The following ADGRL3 variants were observed in gnomAD, a reference collection of about 807,000 sequenced individuals.
ADGRL3 encodes the protein adhesion G protein-coupled receptor L3.
In ADGRL3, 62 loss-of-function variants were observed where a neutral mutation model predicts 153.5. The ratio of observed to expected loss-of-function variants is 0.40; its 90% CI spans 0.33 to 0.50. The LOEUF is 0.50. ADGRL3 is among the 20% of genes least tolerant of loss of function. The pLI, the probability that ADGRL3 is intolerant of heterozygous loss-of-function variation, is 0.47. For missense variants in ADGRL3, 1,641 were observed against 1,859.4 expected, an observed-to-expected ratio of 0.88 and a Z score of 2.16; for synonymous variants, 710 against 672.5, an observed-to-expected ratio of 1.06 and a Z score of -0.86.
At chr4:61,893,091 T>C in intron 10 of ADGRL3, 133 bp downstream of exon 10, 1 of 412,576 alleles carries the variant, frequency 2.4e-6, no homozygotes, top group Non-Finnish European at 4.1e-6. Flanking sequence ...GTCTCTTTCT[T>C]TCTCCTTCCT....
At chr4:61,382,501 A>C (rs1366670701) in intron 1 of ADGRL3, among the ~76,000 whole-genome samples, 1 of 151,806 alleles carries the variant, frequency 6.6e-6, no homozygotes, top group Non-Finnish European at 1.5e-5. Flanking sequence ...TAAAATTAAA[A>C]AATTATGGTA....
intron 1 of ADGRL3, among the ~76,000 whole-genome samples, chr4:61,337,430 A>G (rs192084935): frequency 1.3e-5 from 2 of 152,134 alleles, no homozygotes; most frequent in Non-Finnish European, 2.9e-5. Context: ...GTTATGAAGA[A>G]ATGCAACATG....
intron 1 of ADGRL3, among the ~76,000 whole-genome samples, chr4:61,281,717 C>T (rs1466638316): frequency 3.9e-5 from 6 of 152,096 alleles, no homozygotes; most frequent in Admixed American, 2.6e-4. Context: ...TGTTAGCTGG[C>T]CTTGACTGAG....
intron 9 of ADGRL3, among the ~76,000 whole-genome samples, chr4:61,865,134 T>C (rs953081045): frequency 6.6e-6 from 1 of 152,166 alleles, no homozygotes; most frequent in African/African-American, 2.4e-5. Context: ...AAAATTTTGG[T>C]CTTAAGAATA....
At chr4:61,807,328 T>G (rs1413732114) in intron 8 of ADGRL3, among the ~76,000 whole-genome samples, 1 of 29,010 alleles carries the variant, frequency 3.4e-5, no homozygotes, top group African/African-American at 1.6e-4. Context: ...GCTCTAATTT[T>G]TTTTAACTTT....
rs67863687 is a variant in ADGRL3 at position 61,350,402 on chromosome 4, G to A, written c.-239-32722G>A. On this transcript the variant is annotated intron_variant, in intron 1 of 26. Coordinates refer to ENST00000683033, the MANE Select transcript of ADGRL3 (RefSeq NM_001387552.1). ...GTACATCTTGATAATAACTGTCTTT[G>A]CAGTAGTATAAATTTAAGAGCAGTG... Among the ~76,000 whole-genome samples the A allele has an allele frequency of 6.6e-3, 793 of 120,930 alleles. 1 individual carries two copies. The highest frequency in any genetic ancestry group is 9.7e-3 in the Non-Finnish European group (590 of 61,004). The allele number at this position is 120,930 out of a possible 152,430, so 79.3% of individuals were successfully genotyped here. A position where few individuals can be genotyped will look rare whatever the true frequency, so the allele number is the denominator to read the frequency against.
chr4:62,027,961 A>T (rs923061888), intron 21 of ADGRL3, among the ~76,000 whole-genome samples: 1 of 151,842 alleles, frequency 6.6e-6, no homozygotes, highest in Non-Finnish European at 1.5e-5. Context: ...TTATTTCATC[A>T]TTCTGGAGAG....
rs1578881160 is a variant in ADGRL3, at chr4:61,442,485, G to A, written c.-173-54636G>A. The stretch of plus-strand genomic sequence containing the variant: ...ACACTGTAATTGTTAGATTGGGGAG[G>A]GTGAAAAGCTGATCAGGGAGATCAT... On this transcript the variant is annotated intron_variant, in intron 2 of 26. Transcript: ENST00000683033. Among the ~76,000 whole-genome samples the A allele has an allele frequency of 1.3e-5, 2 of 152,104 alleles. 1 individual carries two copies. Among genetic ancestry groups the A allele is most frequent in the East Asian group, 3.9e-4 (2 of 5,186 alleles).
Position 61,497,196 on chromosome 4 carries a change from C to A in ADGRL3, c.-98C>A. ...TCTTTTTAATTTGAAGAAAAATCAT[C>A]AGTCTTGGAATACAGAAGAGAAACT... On this transcript the variant is annotated 5_prime_UTR_variant, in exon 3 of 27. Coordinates refer to ENST00000683033, the MANE Select transcript of ADGRL3 (RefSeq NM_001387552.1). 1 of 676,108 alleles carries A rather than the reference C, an allele frequency of 1.5e-6. No individual in the cohort carries two copies. The highest frequency in any genetic ancestry group is 2.5e-6 in the Non-Finnish European group (1 of 401,914). 41.9% of individuals were successfully genotyped at this position (676,108 alleles called of 1,614,324 possible).
chr4:61,725,817 G>A (rs2096324698), intron 6 of ADGRL3, among the ~76,000 whole-genome samples: 1 of 152,148 alleles, frequency 6.6e-6, no homozygotes, highest in Non-Finnish European at 1.5e-5. Context: ...GAGTTTGTAT[G>A]TTGTGAGCAT....
At chr4:61,602,118 T>A (rs1198348822) in intron 5 of ADGRL3, among the ~76,000 whole-genome samples, 3 of 152,124 alleles carry the variant, frequency 2.0e-5, no homozygotes. Context: ...CCTCCCTGTC[T>A]TATATCTGCC....
At chr4:61,800,201 CAG>C (rs755429295) in intron 8 of ADGRL3, among the ~76,000 whole-genome samples, 10 of 151,290 alleles carry the variant, frequency 6.6e-5, no homozygotes, top group Non-Finnish European at 5.9e-5. Context: ...AGAAATGAAA[CAG>C]AAACAGGAAA....
intron 1 of ADGRL3, among the ~76,000 whole-genome samples, chr4:61,338,344 G>A (rs976420926): frequency 1.3e-5 from 2 of 151,344 alleles, no homozygotes; most frequent in African/African-American, 2.4e-5. Context: ...TGTTATTCAT[G>A]TTTTCAGGTG....
chr4:61,211,770 A>G lies in ADGRL3; in HGVS notation c.-240+10005A>G, dbSNP rs1338411667. 2.0e-5 allele frequency: 3 copies of G among 152,288 alleles called. No individual in the cohort carries two copies. The East Asian group carries it at 5.8e-4, about 29-fold the overall frequency. The allele number at this position is 152,288 out of a possible 1,614,324, so 9.4% of individuals were successfully genotyped here. A position where few individuals can be genotyped will look rare whatever the true frequency, so the allele number is the denominator to read the frequency against. ...ATCTATAAAACTGCTCAAGACATCT[A>G]GGCTCTGTATATATGAGAAGCCACC... On this transcript the variant is annotated intron_variant, in intron 1 of 26. Transcript: ENST00000683033.
At position 61,347,531 on chromosome 4, in the gene ADGRL3, A is replaced by C. The variant is rs557079868; in HGVS notation, c.-239-35593A>C. 2.0e-5 allele frequency among the ~76,000 whole-genome samples: 3 copies of C among 152,240 alleles called. No individual in the cohort carries two copies. In the East Asian group the frequency reaches 5.8e-4, roughly 29 times the overall value. On this transcript the variant is annotated intron_variant, in intron 1 of 26. Transcript: ENST00000683033. ...TCACCAAATTGAAGAAAGCAAATGC[A>C]ATGTATGCCTACGTTAACCCCCCTT... is the stretch of plus-strand genomic sequence containing the variant.
intron 4 of ADGRL3, among the ~76,000 whole-genome samples, chr4:61,570,185 C>T (rs1323615874): frequency 6.6e-6 from 1 of 151,998 alleles, no homozygotes; most frequent in Non-Finnish European, 1.5e-5. Flanking sequence ...TTTGTATTGC[C>T]TTAAAAAATA....
rs766960254 is a variant in ADGRL3 at position 61,497,327 on chromosome 4, C to A, written c.34C>A (p.Leu12Ile). ...ATCGCAGCTACTAATTTTCATGATG[C>A]TCTTAGCTCCAATAATTCATGGTAA... ...WPSQLLIFMM[L>I]LAPIIHGGKH... The change falls in exon 3 of 27, where the codon CTC (leucine) becomes ATC (isoleucine). Residue 12 changes from leucine to isoleucine, a missense_variant. Physicochemically the swap from Leu to Ile is conservative, Grantham distance 5 (BLOSUM62 2). Coordinates refer to ENST00000683033, the MANE Select transcript of ADGRL3 (RefSeq NM_001387552.1). 2.0e-5 allele frequency: 32 copies of A among 1,606,020 alleles called. No homozygotes were observed. The South Asian group carries it at 3.6e-4, about 18-fold the overall frequency.
At chr4:61,883,235 G>A (rs1167697966) in intron 9 of ADGRL3, among the ~76,000 whole-genome samples, 2 of 152,032 alleles carry the variant, frequency 1.3e-5, no homozygotes, top group Non-Finnish European at 2.9e-5. Context: ...TATAATGCAT[G>A]TTTTTACTTT....
intron 26 of ADGRL3, among the ~76,000 whole-genome samples, chr4:62,069,405 A>G (rs1744678854): frequency 6.6e-6 from 1 of 152,108 alleles, no homozygotes; most frequent in Non-Finnish European, 1.5e-5. Flanking sequence ...TAGCAGAAAA[A>G]AAAATTAGAA....
Sources: gnomAD v4.1 joint callset for allele counts (sites outside exome capture counted in the v4.1 genomes callset) on GRCh38, gnomAD v4.1.1 for gene constraint, MANE v1.5 for transcripts, NCBI Gene and HGNC (gene_info 2026-07-23, HGNC 2026-07-21) for gene names.